Variants in COMMD6 observed in about 807,000 individuals in gnomAD.
COMMD6 encodes COMM domain containing 6, also known as COMM domain-containing protein 6.
A neutral mutation model predicts 13.4 loss-of-function variants in COMMD6; 11 were observed. That is an observed-to-expected ratio of 0.82 (90% CI 0.52 to 1.36). COMMD6 has a LOEUF of 1.36. Ranked by LOEUF, COMMD6 falls within the 40% of genes most tolerant of loss-of-function variation. The pLI, the probability that COMMD6 is intolerant of heterozygous loss-of-function variation, is 0.00. For missense variants in COMMD6, 124 were observed against 102.4 expected, an observed-to-expected ratio of 1.21 and a Z score of -0.91; for synonymous variants, 43 against 36.5, an observed-to-expected ratio of 1.18 and a Z score of -0.64.
rs368029709 is a variant in COMMD6 at position 75,527,770 on chromosome 13, C to T, written c.208-1131G>A. The T allele has an allele frequency of 5.1e-5, 71 of 1,399,106 alleles. 1 individual carries two copies. Among genetic ancestry groups the T allele is most frequent in the African/African-American group, 4.1e-4 (28 of 68,010 alleles). The allele number at this position is 1,399,106 out of a possible 1,614,324, so 86.7% of individuals were successfully genotyped here. ...GCCAGACACAGAAAGGCTAATACTG[C>T]GTGATCTCACTTATATGTGGAATCT... On this transcript the variant is annotated intron_variant, in intron 3 of 3. Transcript: ENST00000682242.
Position 75,529,336 on chromosome 13 carries a change from T to C in COMMD6, c.207+778A>G, listed in dbSNP as rs146524432. On this transcript the variant is annotated intron_variant, in intron 3 of 3. Transcript: ENST00000682242. The stretch of plus-strand genomic sequence containing the variant: ...GAGATCGAGACCATCCTGGCTAACA[T>C]GGTGAAACCCCATCTCTACTAAAAA... Among the ~76,000 whole-genome samples, 637 of 152,148 alleles carry C rather than the reference T, an allele frequency of 4.2e-3. 1 individual carries two copies. Among genetic ancestry groups the C allele is most frequent in the South Asian group, 8.7e-3 (42 of 4,818 alleles).
At chr13:75,545,674 T>G (rs1385268373) in intron 1 of COMMD6, among the ~76,000 whole-genome samples, 1 of 152,130 alleles carries the variant, frequency 6.6e-6, no homozygotes, top group Non-Finnish European at 1.5e-5. Flanking sequence ...GGTTTCACCA[T>G]GTTAGCCAGG....
At chr13:75,537,972 T>C (rs903285567), upstream of COMMD6, 3 of 548,552 alleles carry the variant, frequency 5.5e-6, no homozygotes, top group East Asian at 3.2e-5. Context: ...TCAACATATA[T>C]CTTAGGAGAC....
chr13:75,535,919 ACT>A lies in COMMD6; in HGVS notation c.54+1743_54+1744del, dbSNP rs2030648868. 2.6e-5 allele frequency among the ~76,000 whole-genome samples: 4 copies of A among 151,624 alleles called. No individual in the cohort carries two copies. The South Asian group carries it at 8.3e-4, about 32-fold the overall frequency. On this transcript the variant is annotated intron_variant, in intron 2 of 3. Coordinates refer to ENST00000682242, the MANE Select transcript of COMMD6 (RefSeq NM_203495.4). ...TTTTTTTTTTAAGAGATGGAGTCTC[ACT>A]CTGTCACTCAGGCTGGACTGCTGTG...
At chr13:75,546,472 T>C (rs1427552361) in intron 1 of COMMD6, among the ~76,000 whole-genome samples, 3 of 152,246 alleles carry the variant, frequency 2.0e-5, no homozygotes, top group African/African-American at 7.2e-5. Flanking sequence ...GAACAGTTTT[T>C]TGAGTCACAA....
At chr13:75,537,724 A>G (rs1209544809) in intron 1 of COMMD6, 40 bp downstream of exon 1, 1 of 1,613,926 alleles carries the variant, frequency 6.2e-7, no homozygotes, top group East Asian at 2.2e-5. Flanking sequence ...TTCTTGCTCC[A>G]GAGCCTCGCT....
At chr13:75,547,194 C>T (rs1439674569) in intron 1 of COMMD6, among the ~76,000 whole-genome samples, 2 of 151,950 alleles carry the variant, frequency 1.3e-5, no homozygotes, top group Admixed American at 6.5e-5. Flanking sequence ...AATTCACTGA[C>T]AAAAATCTCA....
upstream of COMMD6, among the ~76,000 whole-genome samples, chr13:75,542,261 A>G (rs1173612369): frequency 7.1e-6 from 1 of 139,898 alleles, no homozygotes; most frequent in Non-Finnish European, 1.6e-5. Context: ...CCCCAGCTCT[A>G]TTTGTCAAGG....
chr13:75,533,341 T>G (rs1593957033), intron 2 of COMMD6, among the ~76,000 whole-genome samples: 1 of 151,874 alleles, frequency 6.6e-6, no homozygotes, highest in South Asian at 2.1e-4. Context: ...CCAAGGCAGG[T>G]GGATCACTTG....
chr13:75,535,267 C>T (rs1333667535), intron 2 of COMMD6, among the ~76,000 whole-genome samples: 1 of 152,168 alleles, frequency 6.6e-6, no homozygotes, highest in Admixed American at 6.5e-5. Flanking sequence ...ATGAGGAATC[C>T]ATCTTCGAAG....
chr13:75,544,425 G>C (rs2030870782), intron 1 of COMMD6, among the ~76,000 whole-genome samples: 1 of 152,090 alleles, frequency 6.6e-6, no homozygotes, highest in African/African-American at 2.4e-5. Context: ...TCAAGACATA[G>C]TTTTCAACCT....
chr13:75,540,371 C>G (rs952830474), upstream of COMMD6, among the ~76,000 whole-genome samples: 2 of 150,564 alleles, frequency 1.3e-5, no homozygotes, highest in South Asian at 4.2e-4. Flanking sequence ...CACACACACA[C>G]AGACACACAC....
intron 1 of COMMD6, among the ~76,000 whole-genome samples, chr13:75,544,314 T>C (rs1477107626): frequency 1.3e-5 from 2 of 152,178 alleles, no homozygotes; most frequent in Non-Finnish European, 2.9e-5. Flanking sequence ...TATCAGAAAC[T>C]CCGAATGAGA....
intron 1 of COMMD6, 29 bp downstream of exon 1, chr13:75,537,730 TCGCTG>T: frequency 2.5e-6 from 4 of 1,614,014 alleles, no homozygotes; most frequent in Non-Finnish European, 3.4e-6. Context: ...CTCCAGAGCC[TCGCTG>T]CCCACTCTCC....
chr13:75,526,543 C>T lies in COMMD6; in HGVS notation c.*46G>A. On this transcript the variant is annotated 3_prime_UTR_variant, in exon 4 of 4. Transcript: ENST00000682242. Reference sequence around the variant, plus strand: ...TTAGTTTTGTTGCCGAAAGTGAAGTCCATGACTTTAGAATGATAGCAATTT... The same window carrying T: ...TTAGTTTTGTTGCCGAAAGTGAAGTTCATGACTTTAGAATGATAGCAATTT... 2 of 1,359,810 alleles carry T rather than the reference C, an allele frequency of 1.5e-6. No individual in the cohort carries two copies. Among genetic ancestry groups the T allele is most frequent in the Non-Finnish European group, 2.1e-6 (2 of 973,990 alleles). The allele number at this position is 1,359,810 out of a possible 1,614,324, so 84.2% of individuals were successfully genotyped here.
chr13:75,540,371 C>CACACAG (rs781492364), upstream of COMMD6, among the ~76,000 whole-genome samples: 1 of 150,564 alleles, frequency 6.6e-6, no homozygotes, highest in South Asian at 2.1e-4. Flanking sequence ...CACACACACA[C>CACACAG]AGACACACAC....
In COMMD6 at chr13:75,544,796, A is replaced by G. The variant is rs2030877850; in HGVS notation, n.106+4527T>C. On this transcript the variant is annotated intron_variant and non_coding_transcript_variant, in intron 1 of 2. Coordinates refer to the COMMD6 transcript ENST00000460675. The stretch of plus-strand genomic sequence containing the variant: ...AAATAAAATAAAATAAAATACAAAA[A>G]ATTTGGTGGTGCACGTCTGTTTGGG... 3.3e-5 allele frequency among the ~76,000 whole-genome samples: 5 copies of G among 151,152 alleles called. No individual in the cohort carries two copies. The South Asian group carries it at 1.0e-3, about 31-fold the overall frequency.
chr13:75,544,929 A>AAAAAAAC (rs2030881958), intron 1 of COMMD6, among the ~76,000 whole-genome samples: 2 of 149,362 alleles, frequency 1.3e-5, no homozygotes, highest in African/African-American at 4.9e-5. Flanking sequence ...CTGTCTCCAA[A>AAAAAAAC]AAAAAAAAAA....
chr13:75,537,561 GAC>G, intron 2 of COMMD6, 101 bp downstream of exon 2: 1 of 1,566,058 alleles, frequency 6.4e-7, no homozygotes, highest in Non-Finnish European at 8.6e-7. Flanking sequence ...CCGGCTCGCG[GAC>G]ACAGGACTAG....
Sources: allele counts gnomAD v4.1 joint callset (sites outside exome capture counted in the v4.1 genomes callset), GRCh38; gene constraint gnomAD v4.1.1; transcripts MANE v1.5; gene names NCBI Gene and HGNC (gene_info 2026-07-23, HGNC 2026-07-21).